Variants in WNT8A observed in about 807,000 individuals in gnomAD.
WNT8A encodes protein Wnt-8a.
WNT8A carries 14 observed loss-of-function variants against 20.5 expected under a neutral mutation model. The ratio of observed to expected loss-of-function variants is 0.68; its 90% CI spans 0.45 to 1.07. The LOEUF (loss-of-function observed/expected upper bound fraction) is 1.07, where lower values mean the gene tolerates loss of function less well. Ranked by LOEUF, WNT8A falls within the 50% of genes least tolerant of loss-of-function variation. The probability of loss-of-function intolerance (pLI) is 0.00; values close to 1 mark genes in which losing one functional copy is unlikely to be tolerated. For missense variants in WNT8A, 397 were observed against 462.9 expected (o/e 0.86, Z 1.31); for synonymous variants, 167 against 169.2 (o/e 0.99, Z 0.10).
chr5:138,088,696 T>A (rs554435213), intron 3 of WNT8A, among the ~76,000 whole-genome samples: 1 of 152,252 alleles, frequency 6.6e-6, no homozygotes, highest in Non-Finnish European at 1.5e-5. Flanking sequence ...TAGCCCCCAG[T>A]GTACCTACTT....
At chr5:138,089,146 T>TTA in intron 4 of WNT8A, 77 bp downstream of exon 4, 1 of 1,536,940 alleles carries the variant, frequency 6.5e-7, no homozygotes, top group African/African-American at 1.4e-5. Context: ...AAGAGCTGTC[T>TTA]TATACGTTCT....
Position 138,090,537 on chromosome 5 carries a change from GC to G in WNT8A, c.576del (p.Thr193ProfsTer2). 1 of 1,613,786 alleles carries G rather than the reference GC, an allele frequency of 6.2e-7. No homozygotes were observed. Among genetic ancestry groups the G allele is most frequent in the African/African-American group, 1.3e-5 (1 of 75,030 alleles). On this transcript the variant is annotated frameshift_variant, in exon 5 of 5. Coordinates refer to ENST00000506684, the MANE Select transcript of WNT8A (RefSeq NM_001300939.2). LOFTEE classifies it low-confidence loss of function (END_TRUNC). The stretch of plus-strand genomic sequence containing the variant: ...TGTTCTCTCTATGAAGGCAGTGAGA[GC>G]CACCATGAAAAGGACATGCAAATGT... ...NNRAGRLAVR[A>X]TMKRTCKCHG... is the part of the protein sequence containing the mutation.
At chr5:138,083,360 T>C (rs138213173), upstream of WNT8A, among the ~76,000 whole-genome samples, 73 of 151,774 alleles carry the variant, frequency 4.8e-4, no homozygotes, top group Non-Finnish European at 8.1e-4. Context: ...TTCTCAGATA[T>C]ATAAAAAATC....
At chr5:138,080,573 G>C (rs1352601396), upstream of WNT8A, among the ~76,000 whole-genome samples, 1 of 148,818 alleles carries the variant, frequency 6.7e-6, no homozygotes, top group Admixed American at 6.9e-5. Context: ...CTCCCAAAGT[G>C]CTGGGATTAC....
chr5:138,079,247 G>C (rs974912441), upstream of WNT8A, among the ~76,000 whole-genome samples: 1 of 149,824 alleles, frequency 6.7e-6, no homozygotes, highest in African/African-American at 2.5e-5. Context: ...TTTGCAAACT[G>C]GTTGTTAAAT....
At chr5:138,090,236 G>A (rs976837872) in intron 4 of WNT8A, among the ~76,000 whole-genome samples, 3 of 152,152 alleles carry the variant, frequency 2.0e-5, no homozygotes, top group African/African-American at 4.8e-5. Context: ...ATACAGTTGA[G>A]CCTGGAGCAG....
upstream of WNT8A, among the ~76,000 whole-genome samples, chr5:138,080,444 G>GTTTTTTTGTTTTT (rs750585385): frequency 4.1e-4 from 23 of 55,992 alleles, no homozygotes; most frequent in Non-Finnish European, 5.2e-4. Flanking sequence ...TGTAAATCTT[G>GTTTTTTTGTTTTT]TTTTTTTTTT....
chr5:138,080,444 G>GTTTTTTTTTTTTTTT (rs371833243), upstream of WNT8A, among the ~76,000 whole-genome samples: 6 of 55,974 alleles, frequency 1.1e-4, no homozygotes, highest in Non-Finnish European at 1.3e-4. Flanking sequence ...TGTAAATCTT[G>GTTTTTTTTTTTTTTT]TTTTTTTTTT....
chr5:138,078,182 G>A, the WNT8A span, among the ~76,000 whole-genome samples: 5 of 152,076 alleles, frequency 3.3e-5, no homozygotes, highest in Admixed American at 1.3e-4. Flanking sequence ...TGGGAGTCAA[G>A]TATCCTCAGG....
upstream of WNT8A, among the ~76,000 whole-genome samples, chr5:138,080,651 A>C (rs1750488018): frequency 6.6e-6 from 1 of 151,586 alleles, no homozygotes. Flanking sequence ...TCTAGGCTAG[A>C]GTACAGTGGC....
At chr5:138,088,027 T>C in intron 3 of WNT8A, 96 bp downstream of exon 3, 1 of 1,508,106 alleles carries the variant, frequency 6.6e-7, no homozygotes, top group Non-Finnish European at 9.0e-7. Flanking sequence ...GGGACACAGC[T>C]CCCTTAAACC....
chr5:138,091,088 A>T lies in WNT8A; in HGVS notation c.*15A>T. 6.3e-7 allele frequency: 1 copy of T among 1,599,424 alleles called. No individual in the cohort carries two copies. Among genetic ancestry groups the T allele is most frequent in the African/African-American group, 1.3e-5 (1 of 74,708 alleles). On this transcript the variant is annotated 3_prime_UTR_variant, in exon 5 of 5. Transcript: ENST00000506684. ...GCAGTGCCTGATAATACCCCACACA[A>T]GTTCACTTGATTAATTGCATCAGTG...
downstream of WNT8A, chr5:138,091,664 C>T: frequency 2.0e-6 from 1 of 501,068 alleles, no homozygotes; most frequent in Non-Finnish European, 3.2e-6. Context: ...CATCTCTACA[C>T]AAAATTTAAA....
intron 3 of WNT8A, among the ~76,000 whole-genome samples, 176 bp downstream of exon 3, chr5:138,088,107 C>T (rs1750731242): frequency 6.6e-6 from 1 of 152,256 alleles, no homozygotes; most frequent in Non-Finnish European, 1.5e-5. Flanking sequence ...AGCCTGGGTC[C>T]ATGAGTCTAG....
At chr5:138,081,127 G>A (rs1035279629), upstream of WNT8A, among the ~76,000 whole-genome samples, 2 of 151,656 alleles carry the variant, frequency 1.3e-5, no homozygotes, top group South Asian at 2.1e-4. Flanking sequence ...TCGGGAGGCT[G>A]AGGCAGGAGA....
downstream of WNT8A, chr5:138,091,583 T>A: frequency 9.0e-7 from 1 of 1,108,690 alleles, no homozygotes; most frequent in Non-Finnish European, 1.2e-6. Context: ...TTTAGAGTGT[T>A]GGATTTTTTA....
intron 2 of WNT8A, among the ~76,000 whole-genome samples, chr5:138,086,640 C>A (rs217268): frequency 0.53 from 80,617 of 151,714 alleles, 21,698 homozygotes; most frequent in African/African-American, 0.57. Flanking sequence ...CAGTGGCTCA[C>A]ACCTGTAATC....
intron 2 of WNT8A, among the ~76,000 whole-genome samples, chr5:138,086,797 G>A (rs1004953220): frequency 2.0e-5 from 3 of 151,130 alleles, no homozygotes; most frequent in African/African-American, 2.4e-5. Flanking sequence ...CACTTTGGGA[G>A]GCCAAGGTGA....
At chr5:138,089,296 A>C (rs1234768949) in intron 4 of WNT8A, among the ~76,000 whole-genome samples, 1 of 152,202 alleles carries the variant, frequency 6.6e-6, no homozygotes, top group Non-Finnish European at 1.5e-5. Flanking sequence ...CTTCTCACTG[A>C]GTCCTCTTGT....
Sources: gnomAD v4.1 joint callset for allele counts (sites outside exome capture counted in the v4.1 genomes callset) on GRCh38, gnomAD v4.1.1 for gene constraint, MANE v1.5 for transcripts, NCBI Gene and HGNC (gene_info 2026-07-23, HGNC 2026-07-21) for gene names.